The following HTR7 variants were observed in gnomAD, a reference collection of about 807,000 sequenced individuals.
HTR7 encodes the protein 5-HT-7.
A neutral mutation model predicts 34.0 loss-of-function variants in HTR7; 16 were observed. The observed-to-expected ratio is 0.47, with a 90% CI of 0.32 to 0.71. HTR7 has a LOEUF of 0.71. HTR7 is among the 30% of genes least tolerant of loss of function. The pLI, the probability that HTR7 is intolerant of heterozygous loss-of-function variation, is 0.04. For missense variants in HTR7, 504 were observed against 625.5 expected (o/e 0.81, Z 2.07); for synonymous variants, 265 against 260.2 (o/e 1.02, Z -0.18).
intron 1 of HTR7, among the ~76,000 whole-genome samples, chr10:90,792,041 CT>C (rs1845467698): frequency 6.6e-6 from 1 of 152,104 alleles, no homozygotes; most frequent in African/African-American, 2.4e-5. Context: ...TTAGGTGACT[CT>C]GTTGCAAGGA....
chr10:90,814,642 G>A (rs1845871173), intron 1 of HTR7, among the ~76,000 whole-genome samples: 2 of 152,130 alleles, frequency 1.3e-5, no homozygotes, highest in South Asian at 4.1e-4. Flanking sequence ...AAATGAGAGA[G>A]AAACATGGGA....
At chr10:90,819,784 T>C (rs1172230908) in intron 1 of HTR7, among the ~76,000 whole-genome samples, 1 of 152,022 alleles carries the variant, frequency 6.6e-6, no homozygotes, top group Admixed American at 6.6e-5. Flanking sequence ...CCCACTAGCT[T>C]TGAGGAAGGG....
chr10:90,770,702 C>A (rs988635561), intron 1 of HTR7, among the ~76,000 whole-genome samples: 1 of 152,244 alleles, frequency 6.6e-6, no homozygotes, highest in Non-Finnish European at 1.5e-5. Context: ...ACAAGCACTG[C>A]AGGGAAGCCA....
intron 1 of HTR7, among the ~76,000 whole-genome samples, chr10:90,751,137 A>G (rs1844726564): frequency 1.3e-5 from 2 of 152,132 alleles, no homozygotes; most frequent in South Asian, 4.1e-4. Flanking sequence ...CTGACCTACA[A>G]GCACTACCCT....
Position 90,857,781 on chromosome 10 carries a change from G to T in HTR7, c.-110C>A. On this transcript the variant is annotated 5_prime_UTR_variant, in exon 1 of 4. Coordinates refer to ENST00000336152, the MANE Select transcript of HTR7 (RefSeq NM_019859.4). This position sits in a 1 kb window ranked among gnomAD's most constrained non-coding sequence, Gnocchi z 6.5. ...TTCCGCTCCGCCCGGCCCAGCCATG[G>T]GGCCCGCGCCGACCGCTGGGGGGCG... The T allele has an allele frequency of 1.8e-6, 2 of 1,118,466 alleles. No homozygotes were observed. Among genetic ancestry groups the T allele is most frequent in the Non-Finnish European group, 2.3e-6 (2 of 869,002 alleles). 69.3% of individuals were successfully genotyped at this position (1,118,466 alleles called of 1,614,324 possible).
At chr10:90,799,756 C>A (rs1340722586) in intron 1 of HTR7, among the ~76,000 whole-genome samples, 1 of 152,078 alleles carries the variant, frequency 6.6e-6, no homozygotes, top group Non-Finnish European at 1.5e-5. Context: ...CCCTATGACC[C>A]AAATCCATTC....
chr10:90,786,616 T>G (rs966361740), intron 1 of HTR7, among the ~76,000 whole-genome samples: 11 of 152,236 alleles, frequency 7.2e-5, no homozygotes, highest in Non-Finnish European at 1.5e-4. Flanking sequence ...AGCTTAAAAT[T>G]CATGAATAAT....
At chr10:90,800,585 C>G (rs935299001) in intron 1 of HTR7, among the ~76,000 whole-genome samples, 3 of 151,842 alleles carry the variant, frequency 2.0e-5, no homozygotes, top group African/African-American at 7.3e-5. Context: ...TCCTTCACCC[C>G]CCGAGATGAA....
In HTR7 at chr10:90,767,944, G is replaced by A. The variant is rs554211247; in HGVS notation, c.540-18350C>T. ...CCTTGGAGCTCCAGACCCATGAATCGACTGCCTCCTTCACATCTCTACTTG... is the reference window on the plus strand; with the variant it reads ...CCTTGGAGCTCCAGACCCATGAATCAACTGCCTCCTTCACATCTCTACTTG... On this transcript the variant is annotated intron_variant, in intron 1 of 3. Coordinates refer to ENST00000336152, the MANE Select transcript of HTR7 (RefSeq NM_019859.4). Among the ~76,000 whole-genome samples, 9 of 152,054 alleles carry A rather than the reference G, an allele frequency of 5.9e-5. No homozygotes were observed. In the South Asian group the frequency reaches 1.0e-3, roughly 18 times the overall value.
rs1844568039 is a variant in HTR7 at position 90,742,498 on chromosome 10, AC to A, written c.1423del (p.Val475SerfsTer2). ...GTTCTGCTTTCAATCATGAATCATG[AC>A]CTTTTTTTCTACAGTAGTCAGCATT... is the stretch of plus-strand genomic sequence containing the variant. ...DKMLTTVEKK[V>X]MIHD is the part of the protein sequence containing the mutation. On this transcript the variant is annotated frameshift_variant, in exon 4 of 4. Coordinates refer to ENST00000336152, the MANE Select transcript of HTR7 (RefSeq NM_019859.4). LOFTEE classifies it high-confidence loss of function. 1 of 1,600,932 alleles carries A rather than the reference AC, an allele frequency of 6.2e-7. No homozygotes were observed.
At chr10:90,810,524 G>A (rs967881635) in intron 1 of HTR7, among the ~76,000 whole-genome samples, 2 of 151,950 alleles carry the variant, frequency 1.3e-5, no homozygotes, top group Admixed American at 1.3e-4. Flanking sequence ...CATTTTACCT[G>A]TCCTAAAACC....
intron 1 of HTR7, among the ~76,000 whole-genome samples, chr10:90,794,326 A>T (rs1845504779): frequency 6.6e-6 from 1 of 152,152 alleles, no homozygotes; most frequent in Non-Finnish European, 1.5e-5. Context: ...TACCTCCTTA[A>T]GGACCTGCCT....
At chr10:90,804,668 T>A (rs1399844542) in intron 1 of HTR7, among the ~76,000 whole-genome samples, 4 of 152,196 alleles carry the variant, frequency 2.6e-5, no homozygotes, top group African/African-American at 9.6e-5. Context: ...ATAAGAGATC[T>A]GAAAGAATTT....
intron 1 of HTR7, among the ~76,000 whole-genome samples, chr10:90,833,486 C>T (rs761419016): frequency 6.6e-6 from 1 of 152,020 alleles, no homozygotes; most frequent in East Asian, 1.9e-4. Flanking sequence ...TAGAACGTAC[C>T]GCATGGGGTT....
intron 1 of HTR7, among the ~76,000 whole-genome samples, chr10:90,757,031 C>T (rs1027023919): frequency 6.6e-6 from 1 of 151,998 alleles, no homozygotes; most frequent in African/African-American, 2.4e-5. Context: ...TTTTATTCCT[C>T]AGAAAAAGGG....
intron 1 of HTR7, among the ~76,000 whole-genome samples, chr10:90,842,119 A>G (rs1201602094): frequency 2.0e-5 from 3 of 152,226 alleles, no homozygotes; most frequent in Non-Finnish European, 4.4e-5. Context: ...GATAGTATTA[A>G]GAGGCAGACT....
At chr10:90,758,152 C>G (rs971912050) in intron 1 of HTR7, among the ~76,000 whole-genome samples, 8 of 151,744 alleles carry the variant, frequency 5.3e-5, no homozygotes, top group Non-Finnish European at 4.4e-5. Context: ...TCGAAACCAC[C>G]CTGCCAATAC....
intron 1 of HTR7, among the ~76,000 whole-genome samples, chr10:90,782,058 C>T (rs1440970847): frequency 6.6e-6 from 1 of 152,208 alleles, no homozygotes; most frequent in Admixed American, 6.5e-5. Context: ...CTTGGGAGGC[C>T]TGTCATGCAT....
rs115377072 is a variant in HTR7 at position 90,763,213 on chromosome 10, T to C, written c.540-13619A>G. Among the ~76,000 whole-genome samples, 357 of 152,314 alleles carry C rather than the reference T, an allele frequency of 2.3e-3. 3 individuals carry two copies. Among genetic ancestry groups the C allele is most frequent in the African/African-American group, 8.2e-3 (342 of 41,574 alleles). ...ATAGGAGTTGCATTGAATTTGTAGA[T>C]TGTGCTGGATTTTATGGGCATTTTA... On this transcript the variant is annotated intron_variant, in intron 1 of 3. Transcript: ENST00000336152.
Sources: gnomAD v4.1 joint callset for allele counts (sites outside exome capture counted in the v4.1 genomes callset) on GRCh38, gnomAD v4.1.1 for gene constraint, Gnocchi (gnomAD v3.1) non-coding constraint, MANE v1.5 for transcripts, NCBI Gene and HGNC (gene_info 2026-07-23, HGNC 2026-07-21) for gene names.